WDR47: variants seen among roughly 807,000 people sequenced by gnomAD.
The protein encoded by WDR47 is WD repeat-containing protein 47.
A neutral mutation model predicts 97.2 loss-of-function variants in WDR47; 32 were observed. That is an observed-to-expected ratio of 0.33 (90% CI 0.25 to 0.44). The LOEUF (loss-of-function observed/expected upper bound fraction) is 0.44. Ranked by LOEUF, WDR47 falls within the 20% of genes least tolerant of loss-of-function variation. WDR47 has a pLI of 1.00. For synonymous variants in WDR47, 375 were observed against 373.5 expected, an observed-to-expected ratio of 1.00 and a Z score of -0.05; for missense variants, 782 against 1,102.3, an observed-to-expected ratio of 0.71 and a Z score of 4.11.
intron 1 of WDR47, among the ~76,000 whole-genome samples, chr1:109,041,059 C>T (rs1663319613): frequency 6.6e-6 from 1 of 151,936 alleles, no homozygotes; most frequent in South Asian, 2.1e-4. Context: ...ACTAACTGCA[C>T]GTCTGGGTAC....
intron 1 of WDR47, among the ~76,000 whole-genome samples, chr1:109,027,808 C>T (rs1662316342): frequency 6.6e-6 from 1 of 152,194 alleles, no homozygotes; most frequent in African/African-American, 2.4e-5. Context: ...AGGCATGAGC[C>T]ACCATGCCCA....
rs755880068 is a variant in WDR47, at chr1:108,995,673, T to C, written c.1598A>G (p.His533Arg). 2.5e-6 allele frequency: 4 copies of C among 1,614,046 alleles called. No homozygotes were observed. Among genetic ancestry groups the C allele is most frequent in the East Asian group, 2.2e-5 (1 of 44,878 alleles). ...PPQDSSQRLT[H>R]DASNIHTSTP... ...GCTTGTATGAATATTTGAAGCATCA[T>C]GTGTTAATCTCTGACTAGAGTCTTG... The change falls in exon 8 of 15, where the codon CAT becomes CGT. Residue 533 changes from histidine (H) to arginine (R), a missense_variant. By Grantham distance (29) the His-to-Arg change is conservative (BLOSUM62 0). Transcript: ENST00000369962.
intron 13 of WDR47, among the ~76,000 whole-genome samples, chr1:108,979,618 C>T (rs1050890532): frequency 2.0e-5 from 3 of 152,206 alleles, no homozygotes; most frequent in Non-Finnish European, 4.4e-5. Flanking sequence ...TGGAAAGGCA[C>T]ATGAAAAAGT....
intron 1 of WDR47, among the ~76,000 whole-genome samples, chr1:109,032,521 A>AC (rs397863670): frequency 2.0e-5 from 3 of 149,902 alleles, no homozygotes; most frequent in Non-Finnish European, 4.4e-5. Context: ...AAAAAAAAAA[A>AC]GATTTTCTTA....
intron 7 of WDR47, 68 bp downstream of exon 7, chr1:109,002,156 G>C: frequency 1.4e-6 from 2 of 1,426,800 alleles, no homozygotes; most frequent in Non-Finnish European, 9.3e-7. Context: ...ATAGAAAGTA[G>C]CAGTTATTGC....
At chr1:108,994,071 G>A (rs1659575068) in intron 8 of WDR47, among the ~76,000 whole-genome samples, 1 of 152,150 alleles carries the variant, frequency 6.6e-6, no homozygotes, top group Non-Finnish European at 1.5e-5. Flanking sequence ...TGCTATGTAT[G>A]AGGAGTATGG....
At position 108,981,880 on chromosome 1, in the gene WDR47, T is replaced by C. The variant is rs1481703660; in HGVS notation, c.2267-16A>G. On this transcript the variant is annotated splice_polypyrimidine_tract_variant and intron_variant, in intron 12 of 14. Transcript: ENST00000369962. Reference sequence around the variant, plus strand: ...AAAATATGCCCTATAAAAGATCATATACTCAATTATTAAGGTGGGAGAGTA... The same window carrying C: ...AAAATATGCCCTATAAAAGATCATACACTCAATTATTAAGGTGGGAGAGTA... 1.2e-6 allele frequency: 2 copies of C among 1,606,976 alleles called. No individual in the cohort carries two copies. The highest frequency in any genetic ancestry group is 1.7e-6 in the Non-Finnish European group (2 of 1,176,660).
At chr1:109,026,902 T>TACAAATACAAATACAAA (rs1371635137) in intron 1 of WDR47, among the ~76,000 whole-genome samples, 2 of 152,094 alleles carry the variant, frequency 1.3e-5, no homozygotes, top group African/African-American at 2.4e-5. Flanking sequence ...CAAATACATA[T>TACAAATACAAATACAAA]TTTATACTGA....
chr1:108,972,601 A>G (rs1287539980), intron 14 of WDR47, among the ~76,000 whole-genome samples: 1 of 152,128 alleles, frequency 6.6e-6, no homozygotes, highest in African/African-American at 2.4e-5. Context: ...GTATCTCTCA[A>G]TTTTGCTGTT....
At chr1:108,982,822 C>T in intron 11 of WDR47, 43 bp from the exon 12 acceptor site, 2 of 1,551,208 alleles carry the variant, frequency 1.3e-6, no homozygotes, top group Non-Finnish European at 1.7e-6. Context: ...TGCTGCTCAA[C>T]TTACTGTGAT....
chr1:108,995,822 A>G lies in WDR47; in HGVS notation c.1449T>C (p.Leu483=), dbSNP rs781780497. The change falls in exon 8 of 15, where the codon CTT becomes CTC. Residue 483 remains leucine (L), a synonymous_variant. Transcript: ENST00000369962. The stretch of plus-strand genomic sequence containing the variant: ...CATCCATTCCAATATTTAATTCACC[A>G]AGCTTTTGAATGGACCTATAAAATT... ...EQFLNRSIQK[L]GELNIGMDGL... is the part of the protein sequence containing the mutation. 3 of 1,613,952 alleles carry G rather than the reference A, an allele frequency of 1.9e-6. No homozygotes were observed. In the East Asian group the frequency reaches 6.7e-5, roughly 36 times the overall value.
chr1:108,980,116 C>A (rs1185615383), intron 13 of WDR47, among the ~76,000 whole-genome samples: 1 of 152,056 alleles, frequency 6.6e-6, no homozygotes, highest in Non-Finnish European at 1.5e-5. Flanking sequence ...CCATCCCTAC[C>A]CCTTCCCACC....
At chr1:109,017,493 C>T (rs967042434) in intron 3 of WDR47, 25 bp downstream of exon 3, 2 of 1,582,954 alleles carry the variant, frequency 1.3e-6, no homozygotes, top group Non-Finnish European at 1.7e-6. Flanking sequence ...TGATGAGACA[C>T]TAAAAACTTT....
At chr1:109,041,788 G>C (rs1013167700) in intron 1 of WDR47, 74 bp downstream of exon 1, 1 of 152,318 alleles carries the variant, frequency 6.6e-6, no homozygotes, top group Non-Finnish European at 1.5e-5. Flanking sequence ...GTGGTGACAG[G>C]AGGCGACGGG....
chr1:109,040,498 C>T (rs1232393744), intron 1 of WDR47, among the ~76,000 whole-genome samples: 2 of 148,900 alleles, frequency 1.3e-5, no homozygotes, highest in Non-Finnish European at 3.0e-5. Flanking sequence ...GAGATAAACA[C>T]AGGTTAAAAT....
At chr1:108,983,577 T>C (rs1658515858) in intron 10 of WDR47, 126 bp from the exon 11 acceptor site, 2 of 765,116 alleles carry the variant, frequency 2.6e-6, no homozygotes, top group African/African-American at 1.8e-5. Flanking sequence ...TTATTAATAG[T>C]TTTCAAAATC....
intron 1 of WDR47, among the ~76,000 whole-genome samples, chr1:109,040,220 G>A (rs1164758170): frequency 6.6e-6 from 1 of 152,082 alleles, no homozygotes; most frequent in Non-Finnish European, 1.5e-5. Flanking sequence ...TTAAATACAG[G>A]TAATCTGATT....
At chr1:108,988,752 G>T (rs1021429065) in intron 9 of WDR47, among the ~76,000 whole-genome samples, 2 of 151,764 alleles carry the variant, frequency 1.3e-5, no homozygotes, top group Non-Finnish European at 2.9e-5. Context: ...ACATTTGAAT[G>T]TTTCATTTCT....
intron 1 of WDR47, among the ~76,000 whole-genome samples, chr1:109,035,648 C>T (rs1457376165): frequency 2.0e-5 from 3 of 151,758 alleles, no homozygotes; most frequent in Admixed American, 1.3e-4. Context: ...CAGGCGCCCA[C>T]CACCACACCC....
Sources: gnomAD v4.1 joint callset for allele counts (sites outside exome capture counted in the v4.1 genomes callset) on GRCh38, gnomAD v4.1.1 for gene constraint, MANE v1.5 for transcripts, NCBI Gene and HGNC (gene_info 2026-07-23, HGNC 2026-07-21) for gene names.